SLC39A11: variants seen among roughly 807,000 people sequenced by gnomAD.
SLC39A11 encodes the protein zinc transporter ZIP11.
In SLC39A11, 33 loss-of-function variants were observed where a neutral mutation model predicts 36.1. The ratio of observed to expected loss-of-function variants is 0.91; its 90% CI spans 0.69 to 1.22. The LOEUF (loss-of-function observed/expected upper bound fraction) is 1.22. Ranked by LOEUF, SLC39A11 falls within the 50% of genes most tolerant of loss-of-function variation. The probability of loss-of-function intolerance (pLI) is 0.00; values close to 1 mark genes in which losing one functional copy is unlikely to be tolerated. For synonymous variants in SLC39A11, 166 were observed against 170.3 expected, an observed-to-expected ratio of 0.97 and a Z score of 0.20; for missense variants, 432 against 430.3, an observed-to-expected ratio of 1.00 and a Z score of -0.03.
At chr17:73,042,900 G>A (rs2059155981) in intron 3 of SLC39A11, among the ~76,000 whole-genome samples, 1 of 152,206 alleles carries the variant, frequency 6.6e-6, no homozygotes, top group African/African-American at 2.4e-5. Context: ...AAAATTAACA[G>A]TTAAAAGTCA....
At chr17:72,965,493 G>A (rs1326712681) in intron 4 of SLC39A11, among the ~76,000 whole-genome samples, 1 of 152,148 alleles carries the variant, frequency 6.6e-6, no homozygotes, top group African/African-American at 2.4e-5. Flanking sequence ...AGTTTCATGA[G>A]GTATTCAACA....
chr17:72,901,839 T>C (rs965765501), intron 5 of SLC39A11, among the ~76,000 whole-genome samples: 2 of 152,138 alleles, frequency 1.3e-5, no homozygotes, highest in African/African-American at 2.4e-5. Context: ...GTTGGCACTG[T>C]GCTGCATGCA....
chr17:72,928,558 T>C (rs949508744), intron 5 of SLC39A11, among the ~76,000 whole-genome samples: 18 of 152,132 alleles, frequency 1.2e-4, no homozygotes, highest in Non-Finnish European at 2.1e-4. Flanking sequence ...AAGTGGAGAC[T>C]GAAATCTTAC....
intron 4 of SLC39A11, among the ~76,000 whole-genome samples, chr17:73,020,827 C>T (rs2058324978): frequency 6.6e-6 from 1 of 151,636 alleles, no homozygotes. Flanking sequence ...GGGCTACAGG[C>T]GCGTGCCACC....
Position 73,062,085 on chromosome 17 carries a change from G to A in SLC39A11, c.147+22723C>T, listed in dbSNP as rs75329172. ...AATTATGGAAAAATAATGGTGTGGCGACTGTTCTAGAATTACTAGGATGGT... is the reference window on the plus strand; with the variant it reads ...AATTATGGAAAAATAATGGTGTGGCAACTGTTCTAGAATTACTAGGATGGT... On this transcript the variant is annotated intron_variant, in intron 3 of 9. Transcript: ENST00000255559. Among the ~76,000 whole-genome samples the A allele has an allele frequency of 4.5e-4, 69 of 152,164 alleles. 1 individual carries two copies. In the East Asian group the frequency reaches 7.7e-3, roughly 17 times the overall value.
At chr17:73,049,260 G>C (rs1215777348) in intron 3 of SLC39A11, among the ~76,000 whole-genome samples, 1 of 152,204 alleles carries the variant, frequency 6.6e-6, no homozygotes, top group African/African-American at 2.4e-5. Context: ...ACTGGGGGCA[G>C]GGGCTTCAAC....
chr17:72,769,540 CTT>C (rs527616290), intron 6 of SLC39A11, among the ~76,000 whole-genome samples: 2,591 of 147,162 alleles, frequency 0.018, 70 homozygotes, highest in African/African-American at 0.06. Flanking sequence ...ATAGATGCAT[CTT>C]TTTTTTTTTT....
intron 6 of SLC39A11, chr17:72,839,830 G>C (rs540101932): frequency 6.6e-6 from 1 of 152,208 alleles, no homozygotes; most frequent in African/African-American, 2.4e-5. Flanking sequence ...TGTTGAAGTG[G>C]TTAGGTGATG....
intron 7 of SLC39A11, among the ~76,000 whole-genome samples, chr17:72,676,080 A>T (rs977875388): frequency 4.1e-5 from 6 of 146,774 alleles, no homozygotes; most frequent in Non-Finnish European, 7.6e-5. Context: ...TCACACACAC[A>T]CACACACACA....
At position 72,901,174 on chromosome 17, in the gene SLC39A11, C is replaced by T. The variant is rs371690047; in HGVS notation, c.430+46578G>A. On this transcript the variant is annotated intron_variant, in intron 5 of 9. Coordinates refer to ENST00000255559, the MANE Select transcript of SLC39A11 (RefSeq NM_139177.4). ...CGAATGCCAAAAGGCAATGAGGTGGCCTCGGCAGCTGGAATTCCACTGCAG... is the reference window on the plus strand; with the variant it reads ...CGAATGCCAAAAGGCAATGAGGTGGTCTCGGCAGCTGGAATTCCACTGCAG... 5.6e-4 allele frequency among the ~76,000 whole-genome samples: 85 copies of T among 152,318 alleles called. 1 individual carries two copies. Among genetic ancestry groups the T allele is most frequent in the African/African-American group, 2.0e-3 (84 of 41,580 alleles).
intron 7 of SLC39A11, among the ~76,000 whole-genome samples, chr17:72,674,986 A>ATGTGTGTG (rs10684358): frequency 6.6e-6 from 1 of 150,428 alleles, no homozygotes; most frequent in African/African-American, 2.4e-5. Flanking sequence ...GTGTGTGCGT[A>ATGTGTGTG]TGTGTGTGTG....
chr17:72,729,457 A>ATATATTT (rs1555650680), intron 7 of SLC39A11, among the ~76,000 whole-genome samples: 1 of 7,240 alleles, frequency 1.4e-4, no homozygotes, highest in Non-Finnish European at 3.2e-4. Context: ...ATATATATAT[A>ATATATTT]TTTTTTTTTT....
rs143076723 is a variant in SLC39A11, at chr17:72,805,987, T to A, written c.601+43647A>T. Reference sequence around the variant, plus strand: ...GGCTGGTCTTGAACTCCTGACCTCATGCTATCCACCTGCCTTGGCCTCCTA... The same window carrying A: ...GGCTGGTCTTGAACTCCTGACCTCAAGCTATCCACCTGCCTTGGCCTCCTA... On this transcript the variant is annotated intron_variant, in intron 6 of 9. Coordinates refer to ENST00000255559, the MANE Select transcript of SLC39A11 (RefSeq NM_139177.4). Among the ~76,000 whole-genome samples the A allele has an allele frequency of 6.7e-4, 102 of 152,142 alleles. No homozygotes were observed. In the East Asian group the frequency reaches 0.02, roughly 29 times the overall value.
chr17:72,802,631 T>G, intron 6 of SLC39A11, among the ~76,000 whole-genome samples: 1 of 146,164 alleles, frequency 6.8e-6, no homozygotes. Context: ...GAAAATCACA[T>G]GGGTTAATTT....
chr17:72,706,000 G>T (rs1403390134), intron 7 of SLC39A11, among the ~76,000 whole-genome samples: 1 of 151,980 alleles, frequency 6.6e-6, no homozygotes, highest in African/African-American at 2.4e-5. Context: ...CTATTTTCTG[G>T]TCCCCAGGAC....
chr17:72,875,558 C>T (rs79522674), intron 5 of SLC39A11, among the ~76,000 whole-genome samples: 1,753 of 152,302 alleles, frequency 0.012, 47 homozygotes, highest in African/African-American at 0.036. Context: ...GTCCACCCTT[C>T]CCTTCCTCAT....
At chr17:72,720,768 A>G (rs1158561824) in intron 7 of SLC39A11, among the ~76,000 whole-genome samples, 2 of 152,208 alleles carry the variant, frequency 1.3e-5, no homozygotes, top group Admixed American at 1.3e-4. Flanking sequence ...GAGGCACATA[A>G]GAAAAGCAAC....
At chr17:72,672,997 A>G (rs1336551458) in intron 7 of SLC39A11, among the ~76,000 whole-genome samples, 2 of 152,222 alleles carry the variant, frequency 1.3e-5, no homozygotes, top group African/African-American at 2.4e-5. Context: ...ACAGTTGAAT[A>G]GTTGAGAAAA....
chr17:73,054,852 C>T (rs573163446), intron 3 of SLC39A11, among the ~76,000 whole-genome samples: 1 of 150,690 alleles, frequency 6.6e-6, no homozygotes, highest in East Asian at 2.0e-4. Flanking sequence ...CTGGGGAGAG[C>T]TGCAGATGCT....
Sources: allele counts gnomAD v4.1 joint callset (sites outside exome capture counted in the v4.1 genomes callset), GRCh38; gene constraint gnomAD v4.1.1; transcripts MANE v1.5; gene names NCBI Gene and HGNC (gene_info 2026-07-23, HGNC 2026-07-21).